Variants in FARS2 observed in about 807,000 individuals in gnomAD.
The protein encoded by FARS2 is phenylalanine--tRNA ligase, mitochondrial.
FARS2 carries 40 observed loss-of-function variants against 46.4 expected under a neutral mutation model. The observed-to-expected ratio is 0.86, with a 90% CI of 0.67 to 1.12. The LOEUF (loss-of-function observed/expected upper bound fraction) is 1.12, where lower values mean the gene tolerates loss of function less well. Among genes scored for constraint, FARS2 ranks in the 50% most tolerant of loss-of-function variants. The pLI, the probability that FARS2 is intolerant of heterozygous loss-of-function variation, is 0.00. For synonymous variants in FARS2, 234 were observed against 214.9 expected (o/e 1.09, Z -0.78); for missense variants, 513 against 567.9 (o/e 0.90, Z 0.98).
chr6:5,667,322 A>G (rs1007005843), intron 6 of FARS2, among the ~76,000 whole-genome samples: 1 of 152,096 alleles, frequency 6.6e-6, no homozygotes, highest in Non-Finnish European at 1.5e-5. Flanking sequence ...GTTCGAGACC[A>G]GCCTGGCCAA....
At chr6:5,592,793 C>T (rs1324652461) in intron 5 of FARS2, among the ~76,000 whole-genome samples, 1 of 152,196 alleles carries the variant, frequency 6.6e-6, no homozygotes. Context: ...GTTTCATATT[C>T]GCAGCACAGT....
intron 6 of FARS2, among the ~76,000 whole-genome samples, chr6:5,728,592 C>T (rs374474259): frequency 5.9e-5 from 9 of 152,108 alleles, no homozygotes; most frequent in East Asian, 5.8e-4. Flanking sequence ...ACACATTGTG[C>T]GCCGTGGATA....
chr6:5,486,781 T>G (rs930988070), intron 4 of FARS2, among the ~76,000 whole-genome samples: 17 of 152,220 alleles, frequency 1.1e-4, no homozygotes, highest in African/African-American at 4.1e-4. Flanking sequence ...TGGGAATGCA[T>G]GCACAGGCCA....
At chr6:5,508,182 A>C (rs1452849853) in intron 4 of FARS2, among the ~76,000 whole-genome samples, 2 of 152,238 alleles carry the variant, frequency 1.3e-5, no homozygotes, top group African/African-American at 4.8e-5. Flanking sequence ...TGGGAAAACA[A>C]TCAAGTCAGT....
intron 4 of FARS2, among the ~76,000 whole-genome samples, chr6:5,466,245 G>A (rs1485222802): frequency 1.3e-5 from 2 of 152,140 alleles, no homozygotes; most frequent in Non-Finnish European, 2.9e-5. Flanking sequence ...CATCTGCAAA[G>A]TCTTCACAGA....
chr6:5,316,504 G>T (rs563315667), intron 1 of FARS2, among the ~76,000 whole-genome samples: 1 of 152,306 alleles, frequency 6.6e-6, no homozygotes, highest in South Asian at 2.1e-4. Flanking sequence ...AGGTGACAGG[G>T]TAAACTGCTG....
chr6:5,433,749 C>T (rs1209899555), intron 4 of FARS2, among the ~76,000 whole-genome samples: 1 of 152,176 alleles, frequency 6.6e-6, no homozygotes, highest in African/African-American at 2.4e-5. Flanking sequence ...TAGGCTTCCT[C>T]CCAGGAGTGC....
At chr6:5,257,929 T>C (rs960891872), upstream of FARS2, among the ~76,000 whole-genome samples, 1 of 152,082 alleles carries the variant, frequency 6.6e-6, no homozygotes, top group Non-Finnish European at 1.5e-5. Context: ...ATGAGACCTG[T>C]TTGGCTGGTG....
At chr6:5,316,849 C>T (rs867664588) in intron 1 of FARS2, among the ~76,000 whole-genome samples, 3 of 152,262 alleles carry the variant, frequency 2.0e-5, no homozygotes, top group Admixed American at 6.5e-5. Context: ...TTTACCAAAG[C>T]CCAGCAGACT....
chr6:5,335,960 G>A (rs1182088036), intron 1 of FARS2, among the ~76,000 whole-genome samples: 2 of 152,266 alleles, frequency 1.3e-5, no homozygotes, highest in East Asian at 3.9e-4. Flanking sequence ...GGAAGAGAGA[G>A]GAATAGATTT....
intron 6 of FARS2, among the ~76,000 whole-genome samples, chr6:5,622,904 G>A (rs958727053): frequency 1.3e-5 from 2 of 152,176 alleles, no homozygotes; most frequent in Admixed American, 1.3e-4. Context: ...AATGCTTGCT[G>A]GATGGTTAAC....
chr6:5,404,497 G>T (rs1248052283), intron 2 of FARS2, 45 bp from the exon 3 acceptor site: 1 of 1,391,082 alleles, frequency 7.2e-7, no homozygotes, highest in African/African-American at 1.4e-5. Flanking sequence ...TGATATAGAT[G>T]GGCCAGGATA....
chr6:5,419,543 T>G (rs1346656103), intron 3 of FARS2, among the ~76,000 whole-genome samples: 1 of 152,162 alleles, frequency 6.6e-6, no homozygotes, highest in Non-Finnish European at 1.5e-5. Context: ...CTATTCACCC[T>G]ATAAGTGGAT....
Position 5,545,172 on chromosome 6 carries a change from A to G in FARS2, c.905-8A>G. Reference sequence around the variant, plus strand: ...TTTAAAAACAACTATTTTGTTTCCTAATCACAGCTGGTGCTCAAGACCGAA... The same window carrying G: ...TTTAAAAACAACTATTTTGTTTCCTGATCACAGCTGGTGCTCAAGACCGAA... On this transcript the variant is annotated splice_polypyrimidine_tract_variant and splice_region_variant and intron_variant, in intron 4 of 6. Coordinates refer to ENST00000274680, the MANE Select transcript of FARS2 (RefSeq NM_006567.5). The G allele has an allele frequency of 1.2e-6, 2 of 1,613,554 alleles. No homozygotes were observed. Among genetic ancestry groups the G allele is most frequent in the Non-Finnish European group, 1.7e-6 (2 of 1,179,600 alleles).
intron 4 of FARS2, among the ~76,000 whole-genome samples, chr6:5,544,086 A>G (rs1376908541): frequency 6.6e-6 from 1 of 151,816 alleles, no homozygotes; most frequent in Non-Finnish European, 1.5e-5. Flanking sequence ...CACTCCAGCT[A>G]TTGGGAGAAT....
chr6:5,545,673 T>C (rs1425105285), intron 5 of FARS2, among the ~76,000 whole-genome samples: 1 of 152,182 alleles, frequency 6.6e-6, no homozygotes, highest in Non-Finnish European at 1.5e-5. Context: ...TGTGTTCTCA[T>C]TGTTCAACTC....
chr6:5,520,833 T>G (rs1769088431), intron 4 of FARS2, among the ~76,000 whole-genome samples: 1 of 152,176 alleles, frequency 6.6e-6, no homozygotes, highest in Non-Finnish European at 1.5e-5. Context: ...TCATTAAAAT[T>G]GAAAATCAGA....
chr6:5,414,755 T>C (rs1364667172), intron 3 of FARS2, among the ~76,000 whole-genome samples: 1 of 152,026 alleles, frequency 6.6e-6, no homozygotes, highest in Non-Finnish European at 1.5e-5. Context: ...ACATCGCTTT[T>C]TTTTTTCTTG....
At chr6:5,751,705 G>A (rs1464457204) in intron 6 of FARS2, among the ~76,000 whole-genome samples, 1 of 152,122 alleles carries the variant, frequency 6.6e-6, no homozygotes, top group African/African-American at 2.4e-5. Context: ...TCCTCCCCAC[G>A]CCCTTGTTCT....
Sources: gnomAD v4.1 joint callset for allele counts (sites outside exome capture counted in the v4.1 genomes callset) on GRCh38, gnomAD v4.1.1 for gene constraint, MANE v1.5 for transcripts, NCBI Gene and HGNC (gene_info 2026-07-23, HGNC 2026-07-21) for gene names.